CNTN1: variants seen among roughly 807,000 people sequenced by gnomAD.
CNTN1 encodes contactin-1.
In CNTN1, 38 loss-of-function variants were observed where a neutral mutation model predicts 126.4. The ratio of observed to expected loss-of-function variants is 0.30; its 90% CI spans 0.23 to 0.39. The LOEUF (loss-of-function observed/expected upper bound fraction) is 0.39, where lower values mean the gene tolerates loss of function less well. Ranked by LOEUF, CNTN1 falls within the 10% of genes least tolerant of loss-of-function variation. The probability of loss-of-function intolerance (pLI) is 1.00; values close to 1 mark genes in which losing one functional copy is unlikely to be tolerated. For missense variants in CNTN1, 1,009 were observed against 1,248.4 expected, an observed-to-expected ratio of 0.81 and a Z score of 2.89; for synonymous variants, 413 against 422.6, an observed-to-expected ratio of 0.98 and a Z score of 0.28.
At chr12:40,702,066 A>G (rs1326715294) in intron 1 of CNTN1, among the ~76,000 whole-genome samples, 1 of 151,496 alleles carries the variant, frequency 6.6e-6, no homozygotes, top group African/African-American at 2.4e-5. Context: ...GAATCTACAT[A>G]AACGGAATCA....
intron 1 of CNTN1, among the ~76,000 whole-genome samples, chr12:40,759,728 C>A (rs1246141129): frequency 6.6e-6 from 1 of 151,046 alleles, no homozygotes; most frequent in Non-Finnish European, 1.5e-5. Context: ...CTCGGCCTCC[C>A]AAAGTGCTGG....
chr12:40,909,143 TTAAAG>T (rs1262695494), intron 2 of CNTN1, among the ~76,000 whole-genome samples: 1 of 152,070 alleles, frequency 6.6e-6, no homozygotes, highest in East Asian at 1.9e-4. Context: ...AAAAAATGGA[TTAAAG>T]TAATCTACAG....
intron 20 of CNTN1, among the ~76,000 whole-genome samples, chr12:41,021,236 G>A (rs376537605): frequency 3.9e-5 from 6 of 152,124 alleles, no homozygotes; most frequent in East Asian, 3.9e-4. Flanking sequence ...TCAGAGCAGT[G>A]TCTAAAACTC....
chr12:40,796,963 G>A (rs1334587707), intron 1 of CNTN1, among the ~76,000 whole-genome samples: 1 of 152,092 alleles, frequency 6.6e-6, no homozygotes, highest in East Asian at 1.9e-4. Context: ...CTGAAGTTGA[G>A]TATAAACTAA....
intron 1 of CNTN1, among the ~76,000 whole-genome samples, chr12:40,888,482 C>T (rs574404523): frequency 6.6e-6 from 1 of 152,204 alleles, no homozygotes; most frequent in South Asian, 2.1e-4. Flanking sequence ...GTACTGGAAA[C>T]ATAATTCAGT....
At chr12:40,724,943 G>C (rs1354374989) in intron 1 of CNTN1, among the ~76,000 whole-genome samples, 1 of 152,188 alleles carries the variant, frequency 6.6e-6, no homozygotes. Flanking sequence ...TAGATGACAA[G>C]TTCAGGAAAT....
intron 1 of CNTN1, among the ~76,000 whole-genome samples, chr12:40,861,298 A>G (rs1006103488): frequency 6.6e-6 from 1 of 152,082 alleles, no homozygotes; most frequent in African/African-American, 2.4e-5. Flanking sequence ...GAAATGTTTT[A>G]TCTAATGCTC....
intron 1 of CNTN1, among the ~76,000 whole-genome samples, chr12:40,903,144 C>A (rs941543265): frequency 5.9e-5 from 9 of 152,232 alleles, no homozygotes; most frequent in Non-Finnish European, 5.9e-5. Flanking sequence ...GTCATGGAGA[C>A]CCACAGAGCT....
At chr12:40,878,407 G>C (rs1357371536) in intron 1 of CNTN1, among the ~76,000 whole-genome samples, 1 of 151,610 alleles carries the variant, frequency 6.6e-6, no homozygotes, top group Non-Finnish European at 1.5e-5. Context: ...ATTTTACAAA[G>C]AGGGCAAAAT....
At chr12:40,961,693 C>A (rs1947111126) in intron 15 of CNTN1, among the ~76,000 whole-genome samples, 7 of 151,848 alleles carry the variant, frequency 4.6e-5, no homozygotes, top group Admixed American at 3.9e-4. Flanking sequence ...CATTAAAAAG[C>A]TAATCTATTT....
chr12:40,934,678 C>T (rs1202157901), intron 9 of CNTN1, among the ~76,000 whole-genome samples: 1 of 151,852 alleles, frequency 6.6e-6, no homozygotes, highest in African/African-American at 2.4e-5. Flanking sequence ...CCGTCTCTCC[C>T]AAAAAGGAAT....
chr12:40,795,473 A>G (rs943646429), intron 1 of CNTN1, among the ~76,000 whole-genome samples: 2 of 151,868 alleles, frequency 1.3e-5, no homozygotes, highest in African/African-American at 2.4e-5. Flanking sequence ...GTATATGTGA[A>G]CCTATATAGA....
chr12:40,805,912 G>A (rs1940836653), intron 1 of CNTN1, among the ~76,000 whole-genome samples: 1 of 152,058 alleles, frequency 6.6e-6, no homozygotes, highest in South Asian at 2.1e-4. Context: ...TCTCTAGCGT[G>A]GCCTGATGCT....
At chr12:40,811,160 GAC>G (rs1941045927) in intron 1 of CNTN1, among the ~76,000 whole-genome samples, 1 of 152,152 alleles carries the variant, frequency 6.6e-6, no homozygotes, top group South Asian at 2.1e-4. Context: ...ATTTCTTCAA[GAC>G]AGTGATTAAA....
At chr12:40,993,020 A>C (rs2120503327) in intron 16 of CNTN1, 100 bp from the exon 17 acceptor site, 1 of 1,086,650 alleles carries the variant, frequency 9.2e-7, no homozygotes, top group East Asian at 2.4e-5. Flanking sequence ...ACTCAGTGTA[A>C]TATATACCAT....
At position 40,918,669 on chromosome 12, in the gene CNTN1, T is replaced by G. The variant is rs750317692; in HGVS notation, c.125T>G (p.Ile42Ser). 18 of 1,613,548 alleles carry G rather than the reference T, an allele frequency of 1.1e-5. No individual in the cohort carries two copies. Among genetic ancestry groups the G allele is most frequent in the Non-Finnish European group, 1.4e-5 (16 of 1,179,518 alleles). ...GAGGAAGACAAAGGATTTGGACCAA[T>G]TTTTGAAGAGCAGCCAATCAATACC... ...VSEEDKGFGPIFEEQPINTIY... is the reference protein window; with the variant it reads ...VSEEDKGFGPSFEEQPINTIY... The change falls in exon 4 of 24, where the codon ATT becomes AGT. Residue 42 changes from isoleucine to serine, a missense_variant. Ile to Ser is a moderately radical substitution (Grantham distance 142, BLOSUM62 -2). Coordinates refer to ENST00000551295, the MANE Select transcript of CNTN1 (RefSeq NM_001843.4).
At position 40,944,051 on chromosome 12, in the gene CNTN1, G is replaced by A. The variant is rs755978506; in HGVS notation, c.1564G>A (p.Ala522Thr). Residue 522 changes from alanine to threonine, a missense_variant, in exon 14 of 24, where the codon GCC becomes ACC. Transcript: ENST00000551295. ...TGCCGATATCACAGTTGGAGAAAAC[G>A]CCACCATGCAGTGTGCTGCGTCCTT... Reference protein sequence around the residue: ...INADITVGENATMQCAASFDP... With the variant: ...INADITVGENTTMQCAASFDP... 1.2e-5 allele frequency: 19 copies of A among 1,613,312 alleles called. No individual in the cohort carries two copies. The highest frequency in any genetic ancestry group is 2.2e-5 in the South Asian group (2 of 91,060).
chr12:40,808,603 C>A (rs1206441020), intron 1 of CNTN1, among the ~76,000 whole-genome samples: 1 of 151,992 alleles, frequency 6.6e-6, no homozygotes, highest in Non-Finnish European at 1.5e-5. Flanking sequence ...TTAATGATGA[C>A]TGTGATTTTT....
chr12:40,982,990 A>G (rs998263142), intron 16 of CNTN1, among the ~76,000 whole-genome samples: 1 of 151,998 alleles, frequency 6.6e-6, no homozygotes, highest in Non-Finnish European at 1.5e-5. Flanking sequence ...TACCTAATGT[A>G]AATGATGAGT....
Sources: allele counts gnomAD v4.1 joint callset (sites outside exome capture counted in the v4.1 genomes callset), GRCh38; gene constraint gnomAD v4.1.1; transcripts MANE v1.5; gene names NCBI Gene and HGNC (gene_info 2026-07-23, HGNC 2026-07-21).